Variants in SLC39A11 observed in about 807,000 individuals in gnomAD.
The protein encoded by SLC39A11 is solute carrier family 39 member 11.
Under a neutral mutation model 36.1 loss-of-function variants are expected in SLC39A11, and 33 were observed. The ratio of observed to expected loss-of-function variants is 0.91; its 90% CI spans 0.69 to 1.22. SLC39A11 has a LOEUF of 1.22. Ranked by LOEUF, SLC39A11 falls within the 50% of genes most tolerant of loss-of-function variation. The probability of loss-of-function intolerance (pLI) is 0.00; values close to 1 mark genes in which losing one functional copy is unlikely to be tolerated. For missense variants in SLC39A11, 432 were observed against 430.3 expected, an observed-to-expected ratio of 1.00 and a Z score of -0.03; for synonymous variants, 166 against 170.3, an observed-to-expected ratio of 0.97 and a Z score of 0.20.
At chr17:72,844,879 G>T (rs116643462) in intron 6 of SLC39A11, among the ~76,000 whole-genome samples, 1 of 152,046 alleles carries the variant, frequency 6.6e-6, no homozygotes, top group African/African-American at 2.4e-5. Flanking sequence ...AGCCTTCCTC[G>T]TCTCAGTTGA....
chr17:72,839,912 A>T (rs2078730517), intron 6 of SLC39A11, among the ~76,000 whole-genome samples: 1 of 152,204 alleles, frequency 6.6e-6, no homozygotes, highest in African/African-American at 2.4e-5. Context: ...GCAGACATTA[A>T]CGTTTAATGT....
Position 72,852,228 on chromosome 17 carries a change from A to AAAAAAAAAAAAAAAAC in SLC39A11, c.431-2425_431-2424insGTTTTTTTTTTTTTTT, listed in dbSNP as rs1491123331. 5.4e-4 allele frequency among the ~76,000 whole-genome samples: 73 copies of AAAAAAAAAAAAAAAAC among 134,858 alleles called. 2 individuals carry two copies. The highest frequency in any genetic ancestry group is 1.1e-3 in the Non-Finnish European group (68 of 61,578). 88.5% of individuals were successfully genotyped at this position (134,858 alleles called of 152,430 possible). A position where few individuals can be genotyped will look rare whatever the true frequency, so the allele number is the denominator to read the frequency against. ...TCAAAAAAAAAAAAAAAAAAAAAAA[A>AAAAAAAAAAAAAAAAC]CAGAAAGAAAGAAAGAAAATCATTT... On this transcript the variant is annotated intron_variant, in intron 5 of 9. Transcript: ENST00000255559.
chr17:73,064,167 A>G (rs1310292160), intron 3 of SLC39A11, among the ~76,000 whole-genome samples: 4 of 152,168 alleles, frequency 2.6e-5, no homozygotes, highest in Non-Finnish European at 5.9e-5. Context: ...TGTGTCAGAC[A>G]CACAATTCTC....
chr17:72,753,449 ATT>A, intron 6 of SLC39A11, among the ~76,000 whole-genome samples: 1 of 152,286 alleles, frequency 6.6e-6, no homozygotes, highest in South Asian at 2.1e-4. Context: ...GATATGATTA[ATT>A]TTCAAGAACT....
chr17:72,910,514 C>T (rs572390318), intron 5 of SLC39A11, among the ~76,000 whole-genome samples: 4 of 150,714 alleles, frequency 2.7e-5, no homozygotes, highest in Non-Finnish European at 5.9e-5. Context: ...ATCCCAGCTA[C>T]TCAGGAGGCT....
intron 3 of SLC39A11, among the ~76,000 whole-genome samples, chr17:73,043,702 G>C (rs1420909478): frequency 6.6e-6 from 1 of 152,196 alleles, no homozygotes; most frequent in Non-Finnish European, 1.5e-5. Flanking sequence ...CAGGAGACCA[G>C]AGAGCAGACA....
chr17:73,052,235 T>C lies in SLC39A11; in HGVS notation c.148-20521A>G, dbSNP rs548883602. Among the ~76,000 whole-genome samples, 9 of 150,448 alleles carry C rather than the reference T, an allele frequency of 6.0e-5. No homozygotes were observed. In the South Asian group the frequency reaches 1.9e-3, roughly 32 times the overall value. Reference sequence around the variant, plus strand: ...ATCTGGAGAATCCAGGGGGACAACATTTATAACAAGAAAAACCTCTCATTA... The same window carrying C: ...ATCTGGAGAATCCAGGGGGACAACACTTATAACAAGAAAAACCTCTCATTA... On this transcript the variant is annotated intron_variant, in intron 3 of 9. Coordinates refer to ENST00000255559, the MANE Select transcript of SLC39A11 (RefSeq NM_139177.4).
At chr17:72,717,580 C>A (rs1312557555) in intron 7 of SLC39A11, among the ~76,000 whole-genome samples, 1 of 152,248 alleles carries the variant, frequency 6.6e-6, no homozygotes, top group African/African-American at 2.4e-5. Flanking sequence ...GGGGCACTGT[C>A]CTCTCCGCAT....
At chr17:72,947,722 A>G (rs1035003681) in intron 5 of SLC39A11, 30 bp downstream of exon 5, 7 of 1,613,194 alleles carry the variant, frequency 4.3e-6, no homozygotes, top group Non-Finnish European at 5.9e-6. Context: ...TCTGCAGCAA[A>G]GAGCTTGCCT....
intron 3 of SLC39A11, among the ~76,000 whole-genome samples, chr17:73,047,450 AAAT>A (rs1220697683): frequency 1.3e-5 from 2 of 152,188 alleles, no homozygotes; most frequent in Non-Finnish European, 2.9e-5. Context: ...TGTAAAATGG[AAAT>A]AATAATAGAA....
chr17:72,710,319 T>C (rs1345347423), intron 7 of SLC39A11, among the ~76,000 whole-genome samples: 3 of 152,236 alleles, frequency 2.0e-5, no homozygotes, highest in African/African-American at 7.2e-5. Context: ...CTTTCATCTC[T>C]GCTTTGGCTT....
intron 4 of SLC39A11, among the ~76,000 whole-genome samples, chr17:72,964,684 G>C (rs1956771824): frequency 2.0e-5 from 3 of 152,186 alleles, no homozygotes; most frequent in South Asian, 4.1e-4. Context: ...CATTGTGGAA[G>C]ACAGTGTGGC....
intron 6 of SLC39A11, among the ~76,000 whole-genome samples, chr17:72,771,569 C>G (rs1272992493): frequency 6.6e-6 from 1 of 151,972 alleles, no homozygotes; most frequent in Non-Finnish European, 1.5e-5. Context: ...GATGGATTAC[C>G]TTTAAAGTTT....
chr17:72,647,769 C>T, intron 9 of SLC39A11, 107 bp from the exon 10 acceptor site: 2 of 814,994 alleles, frequency 2.5e-6, no homozygotes, highest in Non-Finnish European at 4.0e-6. Flanking sequence ...AAGCACACTA[C>T]CATTAATAAT....
At chr17:72,894,360 CAAAAAAAAAAA>C (rs57105586) in intron 5 of SLC39A11, among the ~76,000 whole-genome samples, 1 of 29,688 alleles carries the variant, frequency 3.4e-5, no homozygotes, top group Non-Finnish European at 5.7e-5. Context: ...GACTCTGTCT[CAAAAAAAAAAA>C]AAAAAAAAAA....
chr17:72,784,278 T>C (rs906491978), intron 6 of SLC39A11, among the ~76,000 whole-genome samples: 4 of 151,814 alleles, frequency 2.6e-5, no homozygotes, highest in Admixed American at 6.6e-5. Flanking sequence ...CCGGGAGGCA[T>C]AGGTTGCCGT....
chr17:72,685,012 A>T (rs1030332559), intron 7 of SLC39A11, among the ~76,000 whole-genome samples: 1 of 152,230 alleles, frequency 6.6e-6, no homozygotes, highest in Non-Finnish European at 1.5e-5. Context: ...GGCCAGACAC[A>T]AGATACAAAT....
chr17:72,656,490 G>A (rs2070125183), intron 7 of SLC39A11, among the ~76,000 whole-genome samples: 1 of 152,122 alleles, frequency 6.6e-6, no homozygotes, highest in Non-Finnish European at 1.5e-5. Context: ...GAGTGGGACA[G>A]GAGAGGAGAG....
chr17:72,973,862 T>C (rs2087640322), intron 4 of SLC39A11, among the ~76,000 whole-genome samples: 1 of 151,972 alleles, frequency 6.6e-6, no homozygotes, highest in Non-Finnish European at 1.5e-5. Context: ...ACCTGGCCAG[T>C]AAGTGATTCA....
Sources: allele counts gnomAD v4.1 joint callset (sites outside exome capture counted in the v4.1 genomes callset), GRCh38; gene constraint gnomAD v4.1.1; transcripts MANE v1.5; gene names NCBI Gene and HGNC (gene_info 2026-07-23, HGNC 2026-07-21).